Variants in JAK1 observed in about 807,000 individuals in gnomAD.
JAK1 encodes the protein tyrosine-protein kinase JAK1.
In JAK1, 16 loss-of-function variants were observed where a neutral mutation model predicts 136.6. That is an observed-to-expected ratio of 0.12 (90% CI 0.08 to 0.18). The LOEUF is 0.18. Among genes scored for constraint, JAK1 ranks in the 10% least tolerant of loss-of-function variants. The pLI is 1.00. For missense variants in JAK1, 859 were observed against 1,450.1 expected (o/e 0.59, Z 6.62); for synonymous variants, 492 against 519.5 (o/e 0.95, Z 0.72).
chr1:64,915,510 A>G (rs1313710342), intron 1 of JAK1, among the ~76,000 whole-genome samples: 2 of 152,218 alleles, frequency 1.3e-5, no homozygotes, highest in Admixed American at 6.5e-5. Flanking sequence ...TTTGAGAAAA[A>G]GAATCCCGTT....
intron 1 of JAK1, among the ~76,000 whole-genome samples, chr1:65,050,766 C>G (rs1311197807): frequency 1.3e-5 from 2 of 152,186 alleles, no homozygotes; most frequent in African/African-American, 4.8e-5. Context: ...GGGTCTAACT[C>G]TGTTTCGAAG....
chr1:64,888,516 C>G (rs746008818), intron 1 of JAK1, among the ~76,000 whole-genome samples: 3 of 152,176 alleles, frequency 2.0e-5, no homozygotes, highest in African/African-American at 4.8e-5. Context: ...ACTATCAGAC[C>G]ATGTGTTACT....
At position 65,056,231 on chromosome 1, in the gene JAK1, G is replaced by A. The variant is rs141538676; in HGVS notation, c.-181+11373C>T. On this transcript the variant is annotated intron_variant, in intron 1 of 25. Transcript: ENST00000671954. ...CCCCTCTCTCTAATTAATCAAAAAC[G>A]TAGTGTAGCTTATATAGCTTAGAGA... is the stretch of plus-strand genomic sequence containing the variant. Among the ~76,000 whole-genome samples, 1,341 of 152,308 alleles carry A rather than the reference G, an allele frequency of 8.8e-3. 16 individuals carry two copies. Among genetic ancestry groups the A allele is most frequent in the African/African-American group, 0.027 (1,126 of 41,570 alleles).
At chr1:64,848,777 C>G (rs1655402855) in intron 12 of JAK1, among the ~76,000 whole-genome samples, 3 of 152,178 alleles carry the variant, frequency 2.0e-5, no homozygotes, top group Admixed American at 2.0e-4. Flanking sequence ...CCTGGAAATG[C>G]AGAAAAGGGA....
chr1:64,906,248 T>C (rs1314118347), intron 1 of JAK1, among the ~76,000 whole-genome samples: 9 of 148,550 alleles, frequency 6.1e-5, no homozygotes, highest in Non-Finnish European at 8.9e-5. Context: ...AAGCCAAGAC[T>C]ACACCATTGC....
At chr1:64,874,834 G>A (rs1211186580) in intron 4 of JAK1, among the ~76,000 whole-genome samples, 1 of 152,284 alleles carries the variant, frequency 6.6e-6, no homozygotes, top group South Asian at 2.1e-4. Context: ...CCTAAGACAA[G>A]CCAGGCCCTG....
In JAK1 at chr1:64,873,414, T is replaced by A. The variant is rs1557653430; in HGVS notation, c.439A>T (p.Thr147Ser). The A allele has an allele frequency of 1.9e-6, 3 of 1,613,986 alleles. No homozygotes were observed. In the African/African-American group the frequency reaches 4.0e-5, roughly 22 times the overall value. The change falls in exon 5 of 25, where the codon ACC (threonine) becomes TCC (serine). Residue 147 changes from threonine (T) to serine (S), a missense_variant. Transcript: ENST00000342505. ...AGTGAGCTGGCATCAAGGAGAGGGGTTGCATCTGGAATCTTTTTTTTCTCG... is the reference window on the plus strand; with the variant it reads ...AGTGAGCTGGCATCAAGGAGAGGGGATGCATCTGGAATCTTTTTTTTCTCG... ...GYEKKKIPDA[T>S]PLLDASSLEY...
At chr1:64,877,217 C>T (rs1246039324) in intron 4 of JAK1, among the ~76,000 whole-genome samples, 1 of 152,212 alleles carries the variant, frequency 6.6e-6, no homozygotes, top group Non-Finnish European at 1.5e-5. Context: ...TGGTACTCCA[C>T]TGAAATCATC....
In JAK1 at chr1:64,853,190, A is replaced by C. The variant is rs535597827; in HGVS notation, c.1649-2280T>G. On this transcript the variant is annotated intron_variant, in intron 11 of 24. Coordinates refer to ENST00000342505, the MANE Select transcript of JAK1 (RefSeq NM_002227.4). Reference sequence around the variant, plus strand: ...ATTTTCACGATTTCCCCACTTCTCTAATTTGCACATGGCAAAGGGAAGAGA... The same window carrying C: ...ATTTTCACGATTTCCCCACTTCTCTCATTTGCACATGGCAAAGGGAAGAGA... Among the ~76,000 whole-genome samples the C allele has an allele frequency of 9.8e-4, 149 of 152,306 alleles. 3 individuals carry two copies. The highest frequency in any genetic ancestry group is 2.6e-4 in the Admixed American group (4 of 15,298).
At chr1:65,018,469 A>C (rs1646908254) in intron 2 of JAK1, among the ~76,000 whole-genome samples, 1 of 144,374 alleles carries the variant, frequency 6.9e-6, no homozygotes, top group South Asian at 2.2e-4. Context: ...ATACAGAGAG[A>C]GAGAGAGAGA....
At chr1:65,041,054 G>A (rs1181682194) in intron 2 of JAK1, among the ~76,000 whole-genome samples, 1 of 152,126 alleles carries the variant, frequency 6.6e-6, no homozygotes, top group Non-Finnish European at 1.5e-5. Context: ...CCTGCAATCT[G>A]GGCTCAGGAT....
At chr1:65,028,166 A>G (rs539640712) in intron 2 of JAK1, among the ~76,000 whole-genome samples, 74 of 152,028 alleles carry the variant, frequency 4.9e-4, no homozygotes, top group Non-Finnish European at 2.2e-4. Flanking sequence ...CTAATAACTC[A>G]ATGCCTCATC....
intron 1 of JAK1, among the ~76,000 whole-genome samples, chr1:64,923,742 A>C (rs1329701050): frequency 1.3e-5 from 2 of 152,160 alleles, no homozygotes; most frequent in African/African-American, 4.8e-5. Context: ...ATGAAGCTTA[A>C]ACTCTTTCCC....
chr1:64,911,240 A>G (rs1470733443), intron 1 of JAK1, among the ~76,000 whole-genome samples: 1 of 152,224 alleles, frequency 6.6e-6, no homozygotes, highest in Non-Finnish European at 1.5e-5. Flanking sequence ...TCCTACTTCG[A>G]AAGATTAATA....
intron 3 of JAK1, among the ~76,000 whole-genome samples, chr1:64,882,736 T>C (rs986643452): frequency 1.3e-5 from 2 of 152,194 alleles, no homozygotes; most frequent in African/African-American, 2.4e-5. Flanking sequence ...CCTCGTCCTT[T>C]TCACAACTTG....
intron 2 of JAK1, among the ~76,000 whole-genome samples, chr1:65,014,465 A>T: frequency 7.0e-6 from 1 of 143,054 alleles, no homozygotes; most frequent in East Asian, 1.9e-4. Context: ...AAGGAAAGAA[A>T]GGAGAAAAAG....
At chr1:64,910,588 C>T (rs1282480876) in intron 1 of JAK1, among the ~76,000 whole-genome samples, 1 of 152,070 alleles carries the variant, frequency 6.6e-6, no homozygotes, top group East Asian at 1.9e-4. Flanking sequence ...AATCCCAGCA[C>T]TTTGGGAGGC....
intron 2 of JAK1, among the ~76,000 whole-genome samples, chr1:65,000,912 C>T (rs536155415): frequency 2.7e-4 from 41 of 151,352 alleles, no homozygotes; most frequent in African/African-American, 9.5e-4. Context: ...GATGGGGTCT[C>T]ACTCTGTGGC....
At chr1:64,939,167 C>A (rs977399398) in intron 1 of JAK1, among the ~76,000 whole-genome samples, 1 of 152,190 alleles carries the variant, frequency 6.6e-6, no homozygotes, top group Non-Finnish European at 1.5e-5. Context: ...ACATTCTTGC[C>A]CCCAGGGCAC....
Sources: allele counts gnomAD v4.1 joint callset (sites outside exome capture counted in the v4.1 genomes callset), GRCh38; gene constraint gnomAD v4.1.1; transcripts MANE v1.5; gene names NCBI Gene and HGNC (gene_info 2026-07-23, HGNC 2026-07-21).